THOC5: variants seen among roughly 807,000 people sequenced by gnomAD.
THOC5 encodes the protein Fms-interacting protein.
In THOC5, 43 loss-of-function variants were observed where a neutral mutation model predicts 92.9. That is an observed-to-expected ratio of 0.46 (90% CI 0.36 to 0.60). The LOEUF (loss-of-function observed/expected upper bound fraction) is 0.60, where lower values mean the gene tolerates loss of function less well. Among genes scored for constraint, THOC5 ranks in the 20% least tolerant of loss-of-function variants. THOC5 has a pLI of 0.00. For missense variants in THOC5, 659 were observed against 849.4 expected, an observed-to-expected ratio of 0.78 and a Z score of 2.79; for synonymous variants, 296 against 320.1, an observed-to-expected ratio of 0.92 and a Z score of 0.80.
intron 3 of THOC5, 30 bp downstream of exon 3, chr22:29,544,429 AG>A (rs762842619): frequency 1.2e-6 from 2 of 1,604,942 alleles, no homozygotes; most frequent in African/African-American, 1.3e-5. Flanking sequence ...TAAACCCACC[AG>A]GTTCACGGCC....
Position 29,525,846 on chromosome 22 carries a change from G to GA in THOC5, c.1166dup (p.Ser390GlnfsTer4). On this transcript the variant is annotated frameshift_variant, in exon 12 of 20. Coordinates refer to ENST00000490103, the MANE Select transcript of THOC5 (RefSeq NM_003678.5). LOFTEE classifies it high-confidence loss of function. ...GAGCGCCTGCTCAATACCCTGCACT[G>GA]ATGGGGGTGATCAGCTCCATGGCAG... The GA allele has an allele frequency of 6.2e-7, 1 of 1,613,732 alleles. No homozygotes were observed. The highest frequency in any genetic ancestry group is 8.5e-7 in the Non-Finnish European group (1 of 1,179,824).
chr22:29,511,391 G>T, intron 18 of THOC5, 95 bp from the exon 19 acceptor site: 1 of 1,404,836 alleles, frequency 7.1e-7, no homozygotes, highest in Non-Finnish European at 9.7e-7. Context: ...CCCGAGCGCT[G>T]ATGCCTCTGC....
At chr22:29,526,016 G>A in intron 11 of THOC5, 70 bp from the exon 12 acceptor site, 2 of 712,132 alleles carry the variant, frequency 2.8e-6, no homozygotes, top group South Asian at 1.5e-5. Context: ...AGTCATAGGG[G>A]GTAGTAAGGT....
intron 19 of THOC5, 102 bp from the exon 20 acceptor site, chr22:29,508,622 A>C: frequency 1.0e-6 from 1 of 1,002,074 alleles, no homozygotes; most frequent in Non-Finnish European, 1.5e-6. Context: ...GCAGAGTTAC[A>C]TGACACAGAA....
At chr22:29,520,349 A>G (rs1306612319) in intron 13 of THOC5, among the ~76,000 whole-genome samples, 2 of 152,212 alleles carry the variant, frequency 1.3e-5, no homozygotes, top group Non-Finnish European at 2.9e-5. Context: ...ATAAGCAAAT[A>G]TCAAATACAA....
intron 2 of THOC5, among the ~76,000 whole-genome samples, chr22:29,546,405 T>C (rs896235332): frequency 1.4e-5 from 1 of 73,188 alleles, no homozygotes; most frequent in Admixed American, 1.4e-4. Context: ...CCGCAAAAAA[T>C]GGGTTTTTCT....
intron 1 of THOC5, among the ~76,000 whole-genome samples, chr22:29,551,311 G>A (rs2064138154): frequency 6.6e-6 from 1 of 152,160 alleles, no homozygotes; most frequent in East Asian, 1.9e-4. Flanking sequence ...GCGGGCGCCT[G>A]TAATCTCAGC....
At chr22:29,510,076 A>T (rs1435202468) in intron 19 of THOC5, among the ~76,000 whole-genome samples, 3 of 152,218 alleles carry the variant, frequency 2.0e-5, no homozygotes, top group African/African-American at 4.8e-5. Flanking sequence ...GCAGTTTTGA[A>T]ACTGACTCTT....
At chr22:29,528,361 T>C in intron 10 of THOC5, 65 bp downstream of exon 10, 2 of 1,614,116 alleles carry the variant, frequency 1.2e-6, no homozygotes. Flanking sequence ...GGACGGCACC[T>C]GCGAACAAGC....
In THOC5 at chr22:29,516,147, GAA is replaced by G. The variant is rs57982377; in HGVS notation, c.1681+880_1681+881del. 0.026 allele frequency among the ~76,000 whole-genome samples: 3,207 copies of G among 121,988 alleles called. 319 individuals carry two copies. In the East Asian group the frequency reaches 0.36, roughly 14 times the overall value. 80.0% of individuals were successfully genotyped at this position (121,988 alleles called of 152,430 possible). A position where few individuals can be genotyped will look rare whatever the true frequency, so the allele number is the denominator to read the frequency against. On this transcript the variant is annotated intron_variant, in intron 17 of 19. Transcript: ENST00000490103. ...GACAAAGCAAGACCTTATCTCTACT[GAA>G]AAAAAAAAAAAAAAGGGTGTAGCGG...
At chr22:29,549,402 C>T (rs754118264) in intron 1 of THOC5, among the ~76,000 whole-genome samples, 1 of 152,138 alleles carries the variant, frequency 6.6e-6, no homozygotes, top group Non-Finnish European at 1.5e-5. Flanking sequence ...CTACTTCAAC[C>T]TCTCCCTGCC....
chr22:29,545,876 A>G (rs1227324157), intron 2 of THOC5, among the ~76,000 whole-genome samples: 1 of 152,198 alleles, frequency 6.6e-6, no homozygotes, highest in African/African-American at 2.4e-5. Context: ...TCACAGCTCT[A>G]CTAGGCAGTG....
rs1337758752 is a variant in THOC5 at position 29,506,908 on chromosome 22, AG to A, written c.*1548del. ...GAGATAGGGACTCGCATTGTTTCCCAGGCTGGAGTACAGTACAGGCACGATG... is the reference window on the plus strand; with the variant it reads ...GAGATAGGGACTCGCATTGTTTCCCAGCTGGAGTACAGTACAGGCACGATG... On this transcript the variant is annotated 3_prime_UTR_variant, in exon 20 of 20. Transcript: ENST00000490103. 5 of 152,230 alleles carry A rather than the reference AG, an allele frequency of 3.3e-5. No individual in the cohort carries two copies. The highest frequency in any genetic ancestry group is 7.3e-5 in the Non-Finnish European group (5 of 68,066). The allele number at this position is 152,230 out of a possible 1,614,324, so 9.4% of individuals were successfully genotyped here.
intron 1 of THOC5, among the ~76,000 whole-genome samples, chr22:29,553,198 A>T (rs892268075): frequency 6.6e-6 from 1 of 152,206 alleles, no homozygotes; most frequent in Non-Finnish European, 1.5e-5. Flanking sequence ...TGACCCTGCC[A>T]AATCCCCTCT....
intron 6 of THOC5, among the ~76,000 whole-genome samples, chr22:29,537,570 C>T (rs569807818): frequency 7.2e-5 from 11 of 151,906 alleles, no homozygotes; most frequent in Admixed American, 1.3e-4. Flanking sequence ...ACTGGGGAGG[C>T]GGAGGTGAAA....
At chr22:29,529,090 C>T in intron 9 of THOC5, 72 bp downstream of exon 9, 2 of 1,470,412 alleles carry the variant, frequency 1.4e-6, no homozygotes, top group African/African-American at 2.8e-5. Flanking sequence ...CCAGCTAGTT[C>T]TCCAAAGACC....
chr22:29,511,911 G>C (rs2063230814), intron 18 of THOC5, 110 bp downstream of exon 18: 1 of 872,320 alleles, frequency 1.1e-6, no homozygotes. Context: ...ACAACCTTCT[G>C]TTTTGGGAAT....
At chr22:29,528,845 A>G in intron 9 of THOC5, 1 of 500,766 alleles carries the variant, frequency 2.0e-6, no homozygotes, top group Non-Finnish European at 3.6e-6. Context: ...CTGTATGTGC[A>G]TTACCTTATT....
Position 29,543,413 on chromosome 22 carries a change from AC to A in THOC5, c.354+15del, listed in dbSNP as rs769702905. On this transcript the variant is annotated intron_variant, in intron 4 of 19. Coordinates refer to ENST00000490103, the MANE Select transcript of THOC5 (RefSeq NM_003678.5). ...GAGGAAGGAGGAAGGTTAAAATTAA[AC>A]CTTTTAACTACTACCTCGTGGGTCT... 5.6e-5 allele frequency: 87 copies of A among 1,559,094 alleles called. No homozygotes were observed. Among genetic ancestry groups the A allele is most frequent in the Non-Finnish European group, 7.3e-5 (83 of 1,133,162 alleles).
Sources: gnomAD v4.1 joint callset for allele counts (sites outside exome capture counted in the v4.1 genomes callset) on GRCh38, gnomAD v4.1.1 for gene constraint, MANE v1.5 for transcripts, NCBI Gene and HGNC (gene_info 2026-07-23, HGNC 2026-07-21) for gene names.